Variants in CUEDC1 observed in about 807,000 individuals in gnomAD.
CUEDC1 encodes the protein CUE domain containing 1.
In CUEDC1, 30 loss-of-function variants were observed where a neutral mutation model predicts 43.7. The ratio of observed to expected loss-of-function variants is 0.69; its 90% CI spans 0.51 to 0.93. The LOEUF is 0.93. CUEDC1 is among the 40% of genes least tolerant of loss of function. The probability of loss-of-function intolerance (pLI) is 0.00; values close to 1 mark genes in which losing one functional copy is unlikely to be tolerated. For synonymous variants in CUEDC1, 223 were observed against 223.6 expected (o/e 1.00, Z 0.02); for missense variants, 486 against 549.0 (o/e 0.89, Z 1.15).
At chr17:57,880,613 T>A (rs2074190821) in intron 2 of CUEDC1, among the ~76,000 whole-genome samples, 1 of 152,146 alleles carries the variant, frequency 6.6e-6, no homozygotes, top group Admixed American at 6.5e-5. Context: ...CCGACTTAGA[T>A]TCTTCCCCAG....
At chr17:57,873,275 C>T (rs568488166) in intron 4 of CUEDC1, among the ~76,000 whole-genome samples, 70 of 152,314 alleles carry the variant, frequency 4.6e-4, no homozygotes, top group African/African-American at 1.6e-3. Flanking sequence ...TGGCCCTTTC[C>T]CAAGGGAGGA....
In CUEDC1 at chr17:57,871,008, G is replaced by A. The variant is rs549804973; in HGVS notation, c.868+278C>T. ...ATGTGTCATTGACTAGCCTACACTC[G>A]AGGCATAGGTTGAGAGTTCAGCCAG... On this transcript the variant is annotated intron_variant, in intron 6 of 10. Transcript: ENST00000577830. 3.3e-5 allele frequency among the ~76,000 whole-genome samples: 5 copies of A among 152,252 alleles called. No individual in the cohort carries two copies. The South Asian group carries it at 1.0e-3, about 32-fold the overall frequency.
At chr17:57,871,085 T>C (rs1306074958) in intron 6 of CUEDC1, among the ~76,000 whole-genome samples, 2 of 152,174 alleles carry the variant, frequency 1.3e-5, no homozygotes, top group Non-Finnish European at 2.9e-5. Context: ...AGTGGCTGGA[T>C]TGGAAAGACC....
chr17:57,904,358 T>G (rs989465976), intron 1 of CUEDC1, among the ~76,000 whole-genome samples: 6 of 151,412 alleles, frequency 4.0e-5, no homozygotes, highest in Non-Finnish European at 8.8e-5. Flanking sequence ...AAGTCACACA[T>G]CAGCCACCAG....
chr17:57,905,848 A>C (rs763009871), intron 1 of CUEDC1, among the ~76,000 whole-genome samples: 4 of 152,218 alleles, frequency 2.6e-5, no homozygotes, highest in Non-Finnish European at 4.4e-5. Context: ...ACCTAAAAGG[A>C]AGGGTTGTGT....
intron 1 of CUEDC1, among the ~76,000 whole-genome samples, chr17:57,890,643 C>G (rs11867236): frequency 2.0e-5 from 3 of 152,234 alleles, no homozygotes; most frequent in Admixed American, 1.3e-4. Context: ...AATCCAGGCC[C>G]GGCAGGGGCG....
chr17:57,871,373 G>A lies in CUEDC1; in HGVS notation c.785-4C>T. The A allele has an allele frequency of 6.2e-7, 1 of 1,613,140 alleles. No homozygotes were observed. The highest frequency in any genetic ancestry group is 8.5e-7 in the Non-Finnish European group (1 of 1,179,578). ...TGGGATTCGTATTTCAATCGATCTG[G>A]AAAAGGACCACATTCACAGGTCAGG... On this transcript the variant is annotated splice_polypyrimidine_tract_variant and splice_region_variant and intron_variant, in intron 5 of 10. Transcript: ENST00000577830.
chr17:57,950,534 G>A (rs1193561421), intron 1 of CUEDC1, among the ~76,000 whole-genome samples: 1 of 150,068 alleles, frequency 6.7e-6, no homozygotes, highest in Non-Finnish European at 1.5e-5. Flanking sequence ...GTGTAACGCT[G>A]TGATCTCTGC....
intron 1 of CUEDC1, among the ~76,000 whole-genome samples, chr17:57,926,460 G>T (rs1037427430): frequency 3.3e-5 from 5 of 151,968 alleles, no homozygotes; most frequent in African/African-American, 1.2e-4. Flanking sequence ...AACATTTACA[G>T]ATCGGTGAGA....
At chr17:57,936,072 A>G (rs1442755889) in intron 1 of CUEDC1, among the ~76,000 whole-genome samples, 1 of 152,224 alleles carries the variant, frequency 6.6e-6, no homozygotes, top group African/African-American at 2.4e-5. Flanking sequence ...AAGCAGCATC[A>G]GGGGAGGCCA....
At chr17:57,884,192 C>CTTTTTTT (rs780667346) in intron 2 of CUEDC1, among the ~76,000 whole-genome samples, 7 of 81,358 alleles carry the variant, frequency 8.6e-5, no homozygotes, top group African/African-American at 1.4e-4. Flanking sequence ...TTTTTCTTTT[C>CTTTTTTT]TTTTTTTTTT....
intron 1 of CUEDC1, 73 bp from the exon 2 acceptor site, chr17:57,885,952 T>G: frequency 5.9e-6 from 1 of 169,996 alleles, no homozygotes; most frequent in Non-Finnish European, 1.2e-5. Flanking sequence ...CAAGGGCTAC[T>G]AAGAAATGAG....
At chr17:57,863,660 C>T (rs2144900029) in intron 10 of CUEDC1, among the ~76,000 whole-genome samples, 1 of 152,178 alleles carries the variant, frequency 6.6e-6, no homozygotes, top group Admixed American at 6.5e-5. Context: ...AAACTGGGGG[C>T]AGAACTTGGT....
chr17:57,945,195 C>T (rs952749861), intron 1 of CUEDC1, among the ~76,000 whole-genome samples: 36 of 152,326 alleles, frequency 2.4e-4, no homozygotes, highest in Admixed American at 7.2e-4. Context: ...GAAATATTTC[C>T]ATTACGCACA....
intron 1 of CUEDC1, among the ~76,000 whole-genome samples, chr17:57,941,697 A>G (rs1165170353): frequency 6.6e-6 from 1 of 152,266 alleles, no homozygotes; most frequent in African/African-American, 2.4e-5. Flanking sequence ...TTACTTGGCC[A>G]GGTTACTTAA....
chr17:57,937,547 T>G (rs1011652705), intron 1 of CUEDC1, among the ~76,000 whole-genome samples: 10 of 151,362 alleles, frequency 6.6e-5, no homozygotes, highest in African/African-American at 1.9e-4. Context: ...GAGGTCTAGG[T>G]TGCAGTAAGC....
At chr17:57,905,526 C>G (rs1201283158) in intron 1 of CUEDC1, among the ~76,000 whole-genome samples, 2 of 152,194 alleles carry the variant, frequency 1.3e-5, no homozygotes, top group Non-Finnish European at 2.9e-5. Flanking sequence ...AGTGCGTGCT[C>G]AGCTCACATT....
At chr17:57,874,357 A>G (rs2074080566) in intron 3 of CUEDC1, among the ~76,000 whole-genome samples, 2 of 152,142 alleles carry the variant, frequency 1.3e-5, no homozygotes, top group Admixed American at 1.3e-4. Context: ...GCCCCTCAGG[A>G]GGCCGTGTCC....
At chr17:57,946,089 A>G (rs1384298710) in intron 1 of CUEDC1, among the ~76,000 whole-genome samples, 2 of 152,194 alleles carry the variant, frequency 1.3e-5, no homozygotes, top group Non-Finnish European at 2.9e-5. Context: ...GAGATTGAGT[A>G]ACTTGCCCCA....
Sources: allele counts gnomAD v4.1 joint callset (sites outside exome capture counted in the v4.1 genomes callset), GRCh38; gene constraint gnomAD v4.1.1; transcripts MANE v1.5; gene names NCBI Gene and HGNC (gene_info 2026-07-23, HGNC 2026-07-21).